Variants in CCBE1 observed in about 807,000 individuals in gnomAD.
The protein encoded by CCBE1 is collagen and calcium-binding EGF domain-containing protein 1.
Under a neutral mutation model 50.0 loss-of-function variants are expected in CCBE1, and 37 were observed. That is an observed-to-expected ratio of 0.74 (90% CI 0.57 to 0.97). The LOEUF is 0.97. CCBE1 is among the 50% of genes least tolerant of loss of function. The pLI is 0.00. For missense variants in CCBE1, 538 were observed against 523.8 expected, an observed-to-expected ratio of 1.03 and a Z score of -0.26; for synonymous variants, 234 against 203.7, an observed-to-expected ratio of 1.15 and a Z score of -1.27.
At chr18:59,551,023 A>AAAAAAAAAAAAAGAAAAAAG (rs1915904169) in intron 2 of CCBE1, among the ~76,000 whole-genome samples, 1 of 141,442 alleles carries the variant, frequency 7.1e-6, no homozygotes, top group African/African-American at 2.8e-5. Flanking sequence ...AAAAAAAAAA[A>AAAAAAAAAAAAAGAAAAAAG]AAAAAAGAAA....
chr18:59,637,152 T>C (rs962209532), intron 2 of CCBE1, among the ~76,000 whole-genome samples: 2 of 152,210 alleles, frequency 1.3e-5, no homozygotes, highest in Non-Finnish European at 2.9e-5. Flanking sequence ...ATCCCAGCAG[T>C]ACATTTGGAA....
At chr18:59,593,705 T>G (rs1372663273) in intron 2 of CCBE1, among the ~76,000 whole-genome samples, 2 of 152,226 alleles carry the variant, frequency 1.3e-5, no homozygotes, top group Non-Finnish European at 2.9e-5. Context: ...TGTGCTGACA[T>G]TCAAACACTC....
chr18:59,616,917 C>T lies in CCBE1; in HGVS notation c.212+79712G>A, dbSNP rs1032204316. 2.0e-5 allele frequency among the ~76,000 whole-genome samples: 3 copies of T among 152,172 alleles called. No individual in the cohort carries two copies. The South Asian group carries it at 6.2e-4, about 32-fold the overall frequency. ...TCATCACTCCAGACTTCAGCTTTCA[C>T]ATCTGCTAAATGGGAAGGATACTGC... On this transcript the variant is annotated intron_variant, in intron 2 of 10. Coordinates refer to ENST00000439986, the MANE Select transcript of CCBE1 (RefSeq NM_133459.4).
At chr18:59,492,373 C>G (rs1913152815) in intron 2 of CCBE1, among the ~76,000 whole-genome samples, 1 of 152,074 alleles carries the variant, frequency 6.6e-6, no homozygotes, top group Non-Finnish European at 1.5e-5. Context: ...CAAATTACAG[C>G]TGGGCACATA....
intron 2 of CCBE1, among the ~76,000 whole-genome samples, chr18:59,515,391 C>A (rs1235421910): frequency 6.6e-6 from 1 of 152,182 alleles, no homozygotes; most frequent in Non-Finnish European, 1.5e-5. Flanking sequence ...AGGAGGGGGG[C>A]CACTTCTCCT....
intron 2 of CCBE1, among the ~76,000 whole-genome samples, chr18:59,522,505 T>G (rs922969086): frequency 3.9e-5 from 6 of 152,158 alleles, no homozygotes; most frequent in African/African-American, 1.4e-4. Flanking sequence ...TTTTGGAGAA[T>G]TAGTGCGTGA....
chr18:59,476,906 G>A (rs1234750855), intron 3 of CCBE1, among the ~76,000 whole-genome samples: 1 of 152,198 alleles, frequency 6.6e-6, no homozygotes, highest in Non-Finnish European at 1.5e-5. Context: ...CCAGAATCAA[G>A]GGGTGGAAGT....
intron 2 of CCBE1, among the ~76,000 whole-genome samples, chr18:59,543,847 A>AAAAAAAAAAAAAAAAAAAAAAAAAAAAAG (rs1915576051): frequency 2.5e-5 from 2 of 78,536 alleles, no homozygotes; most frequent in African/African-American, 9.1e-5. Context: ...AAAAAAAAAA[A>AAAAAAAAAAAAAAAAAAAAAAAAAAAAAG]AAAAAAAAAA....
rs560327524 is a variant in CCBE1, at chr18:59,637,552, G to GAA, written c.212+59075_212+59076dup. Among the ~76,000 whole-genome samples, 143 of 152,078 alleles carry GAA rather than the reference G, an allele frequency of 9.4e-4. 1 individual carries two copies. The East Asian group carries it at 0.017, about 18-fold the overall frequency. On this transcript the variant is annotated intron_variant, in intron 2 of 10. Coordinates refer to ENST00000439986, the MANE Select transcript of CCBE1 (RefSeq NM_133459.4). ...AGAAAGCTAAGGTGTACAAAGGAAT[G>GAA]AAAAAAACAACTCATTAAAGTTCAT...
At chr18:59,495,200 T>C (rs1913291791) in intron 2 of CCBE1, among the ~76,000 whole-genome samples, 1 of 152,126 alleles carries the variant, frequency 6.6e-6, no homozygotes, top group African/African-American at 2.4e-5. Context: ...GTGTACTTTT[T>C]TTGACCTATA....
intron 2 of CCBE1, among the ~76,000 whole-genome samples, chr18:59,510,524 T>G (rs1003757042): frequency 6.6e-6 from 1 of 152,072 alleles, no homozygotes; most frequent in Non-Finnish European, 1.5e-5. Context: ...CAGGTTCAAG[T>G]GATTCTCCTG....
At chr18:59,676,230 G>GA (rs2144719805) in intron 2 of CCBE1, among the ~76,000 whole-genome samples, 1 of 152,282 alleles carries the variant, frequency 6.6e-6, no homozygotes, top group East Asian at 1.9e-4. Context: ...GGAATGCTTG[G>GA]AAAAAGCTTC....
At chr18:59,649,387 A>C (rs1443019156) in intron 2 of CCBE1, among the ~76,000 whole-genome samples, 1 of 152,240 alleles carries the variant, frequency 6.6e-6, no homozygotes. Flanking sequence ...ACTGACATGC[A>C]AGACAAAAAT....
chr18:59,462,680 G>A (rs1911547192), intron 5 of CCBE1, among the ~76,000 whole-genome samples: 1 of 120,388 alleles, frequency 8.3e-6, no homozygotes, highest in Non-Finnish European at 1.8e-5. Flanking sequence ...CACCACACCT[G>A]ACCTAATTTT....
At chr18:59,588,224 A>T (rs2053205794) in intron 2 of CCBE1, among the ~76,000 whole-genome samples, 1 of 152,178 alleles carries the variant, frequency 6.6e-6, no homozygotes, top group African/African-American at 2.4e-5. Flanking sequence ...CAGCCTGATT[A>T]TTTCTGACAT....
At chr18:59,658,411 AT>A (rs2054233707) in intron 2 of CCBE1, among the ~76,000 whole-genome samples, 3 of 69,168 alleles carry the variant, frequency 4.3e-5, no homozygotes, top group African/African-American at 5.4e-5. Context: ...ATATATATAT[AT>A]ATATAAAGTT....
intron 3 of CCBE1, among the ~76,000 whole-genome samples, chr18:59,475,727 TA>T (rs67988258): frequency 0.18 from 27,791 of 151,942 alleles, 2,941 homozygotes; most frequent in South Asian, 0.24. Flanking sequence ...ATTATTTATT[TA>T]TTTTTTTGAG....
intron 2 of CCBE1, among the ~76,000 whole-genome samples, chr18:59,531,791 C>T (rs1182987455): frequency 1.3e-5 from 2 of 152,132 alleles, no homozygotes; most frequent in East Asian, 3.9e-4. Flanking sequence ...AGATCATTCA[C>T]TCAACTGTAG....
At chr18:59,466,653 A>T (rs1911758804) in intron 5 of CCBE1, 86 bp downstream of exon 5, 1 of 749,298 alleles carries the variant, frequency 1.3e-6, no homozygotes, top group Non-Finnish European at 2.0e-6. Flanking sequence ...AATCATATCT[A>T]TATAATATAT....
Sources: allele counts gnomAD v4.1 joint callset (sites outside exome capture counted in the v4.1 genomes callset), GRCh38; gene constraint gnomAD v4.1.1; transcripts MANE v1.5; gene names NCBI Gene and HGNC (gene_info 2026-07-23, HGNC 2026-07-21).